PDLIM3: variants seen among roughly 807,000 people sequenced by gnomAD.
PDLIM3 encodes the protein PDZ and LIM domain 3, also known as PDZ and LIM domain protein 3.
PDLIM3 carries 36 observed loss-of-function variants against 37.3 expected under a neutral mutation model. The observed-to-expected ratio is 0.97, with a 90% CI of 0.74 to 1.28. The LOEUF (loss-of-function observed/expected upper bound fraction) is 1.28, where lower values mean the gene tolerates loss of function less well. PDLIM3 is among the 50% of genes most tolerant of loss of function. The pLI is 0.00. For missense variants in PDLIM3, 454 were observed against 485.0 expected, an observed-to-expected ratio of 0.94 and a Z score of 0.60; for synonymous variants, 174 against 182.4, an observed-to-expected ratio of 0.95 and a Z score of 0.37.
At position 185,502,501 on chromosome 4, in the gene PDLIM3, G is replaced by A. The variant is rs12644280; in HGVS notation, c.906-18C>T. The A allele has an allele frequency of 0.16, 258,384 of 1,611,550 alleles. 22,274 individuals are homozygous for A. Among genetic ancestry groups the A allele is most frequent in the East Asian group, 0.27 (12,107 of 44,840 alleles). On this transcript the variant is annotated intron_variant, in intron 7 of 7. Coordinates refer to ENST00000284767, the MANE Select transcript of PDLIM3 (RefSeq NM_014476.6). ...CAGCACCGCTGTTGGGGAAGAAAACGAGCTCAAGTTAAAAAACCACAGAGC... is the reference window on the plus strand; with the variant it reads ...CAGCACCGCTGTTGGGGAAGAAAACAAGCTCAAGTTAAAAAACCACAGAGC...
At position 185,512,870 on chromosome 4, in the gene PDLIM3, AC is replaced by A. The variant is rs912725980; in HGVS notation, c.398+1399del. 9 of 985,284 alleles carry A rather than the reference AC, an allele frequency of 9.1e-6. No individual in the cohort carries two copies. In the African/African-American group the frequency reaches 1.2e-4, roughly 13 times the overall value. 61.0% of individuals were successfully genotyped at this position (985,284 alleles called of 1,614,324 possible). On this transcript the variant is annotated intron_variant, in intron 4 of 7. Transcript: ENST00000284767. ...TGGGGAAGCTGTTGAAAGTGGAGAAACGGAAAAGATGCAGATGAGAACAGAG... is the reference window on the plus strand; with the variant it reads ...TGGGGAAGCTGTTGAAAGTGGAGAAAGGAAAAGATGCAGATGAGAACAGAG...
chr4:185,532,559 G>T (rs905081483), intron 1 of PDLIM3, among the ~76,000 whole-genome samples: 1 of 152,142 alleles, frequency 6.6e-6, no homozygotes, highest in Non-Finnish European at 1.5e-5. Flanking sequence ...CAGGGAAATC[G>T]TAAGTAGTCC....
In PDLIM3 at chr4:185,501,681, A is replaced by C. The variant is rs1486036682; in HGVS notation, c.*613T>G. 6.5e-6 allele frequency: 1 copy of C among 154,920 alleles called. No homozygotes were observed. Among genetic ancestry groups the C allele is most frequent in the Non-Finnish European group, 1.4e-5 (1 of 69,784 alleles). The allele number at this position is 154,920 out of a possible 1,614,324, so 9.6% of individuals were successfully genotyped here. A position where few individuals can be genotyped will look rare whatever the true frequency, so the allele number is the denominator to read the frequency against. On this transcript the variant is annotated 3_prime_UTR_variant, in exon 8 of 8. Transcript: ENST00000284767. ...AAAATATTTGTTAGTGTACATGTTA[A>C]AATATGATTGGGTTCTCTCATTGAA...
intron 3 of PDLIM3, among the ~76,000 whole-genome samples, chr4:185,519,627 T>C (rs1279760239): frequency 6.6e-6 from 1 of 152,174 alleles, no homozygotes; most frequent in Non-Finnish European, 1.5e-5. Flanking sequence ...ATATCAACTA[T>C]TCCTATAACC....
chr4:185,535,473 G>A lies in PDLIM3; in HGVS notation c.-39C>T, dbSNP rs1014020492. ...CGCCCACCGGGCTCTAAGTGTCCCC[G>A]CGCAGGGCAGCCACTCCGCGCCGGG... On this transcript the variant is annotated 5_prime_UTR_variant, in exon 1 of 8. Coordinates refer to ENST00000284767, the MANE Select transcript of PDLIM3 (RefSeq NM_014476.6). The A allele has an allele frequency of 1.9e-5, 29 of 1,516,118 alleles. No individual in the cohort carries two copies. The highest frequency in any genetic ancestry group is 2.5e-5 in the East Asian group (1 of 39,512). 93.9% of individuals were successfully genotyped at this position (1,516,118 alleles called of 1,614,324 possible).
intron 1 of PDLIM3, among the ~76,000 whole-genome samples, chr4:185,526,686 T>A (rs1004498024): frequency 7.2e-5 from 11 of 152,202 alleles, no homozygotes; most frequent in African/African-American, 2.7e-4. Context: ...TCTCATATCA[T>A]CTTACATTAT....
At position 185,514,805 on chromosome 4, in the gene PDLIM3, A is replaced by G. The variant is rs1325838737; in HGVS notation, c.331-468T>C. 6.4e-7 allele frequency: 1 copy of G among 1,551,788 alleles called. No individual in the cohort carries two copies. The highest frequency in any genetic ancestry group is 2.4e-5 in the East Asian group (1 of 40,926). ...AATTGGCGAGTTATAGGAAGCGCTC[A>G]CTACCTGTCTTTTGTCATCAATGTT... On this transcript the variant is annotated intron_variant, in intron 3 of 7. Coordinates refer to ENST00000284767, the MANE Select transcript of PDLIM3 (RefSeq NM_014476.6). This position sits in a 1 kb window ranked among gnomAD's most constrained non-coding sequence, Gnocchi z 4.0.
At chr4:185,516,487 G>C (rs1356575257) in intron 3 of PDLIM3, 3 of 152,158 alleles carry the variant, frequency 2.0e-5, no homozygotes, top group Non-Finnish European at 4.4e-5. Context: ...AGAAGAAAAA[G>C]GAGGAGGAAA....
intron 3 of PDLIM3, chr4:185,516,646 T>C (rs2095715497): frequency 6.6e-6 from 1 of 152,252 alleles, no homozygotes; most frequent in African/African-American, 2.4e-5. Context: ...TCTTCTACTA[T>C]CTAGGCCTAT....
chr4:185,523,512 G>T, intron 2 of PDLIM3, 66 bp from the exon 3 acceptor site: 1 of 1,007,248 alleles, frequency 9.9e-7, no homozygotes, highest in Non-Finnish European at 1.5e-6. Context: ...GCATACTTTA[G>T]TTTCCCATTA....
At chr4:185,530,967 A>AACAC (rs755319452) in intron 1 of PDLIM3, among the ~76,000 whole-genome samples, 185 of 51,488 alleles carry the variant, frequency 3.6e-3, no homozygotes, top group South Asian at 0.014. Flanking sequence ...CATGCATAGA[A>AACAC]ACACACACAC....
intron 3 of PDLIM3, among the ~76,000 whole-genome samples, chr4:185,518,326 C>T (rs2153336888): frequency 6.6e-6 from 1 of 152,210 alleles, no homozygotes; most frequent in Non-Finnish European, 1.5e-5. Context: ...AAGGCTTCAC[C>T]TTTCAACTTC....
rs759785542 is a variant in PDLIM3 at position 185,535,481 on chromosome 4, C to A, written c.-47G>T. 45 of 1,491,142 alleles carry A rather than the reference C, an allele frequency of 3.0e-5. No individual in the cohort carries two copies. The Admixed American group carries it at 3.4e-4, about 11-fold the overall frequency. The allele number at this position is 1,491,142 out of a possible 1,614,324, so 92.4% of individuals were successfully genotyped here. ...GGGCTCTAAGTGTCCCCGCGCAGGGCAGCCACTCCGCGCCGGGCGGCGTCC... is the reference window on the plus strand; with the variant it reads ...GGGCTCTAAGTGTCCCCGCGCAGGGAAGCCACTCCGCGCCGGGCGGCGTCC... On this transcript the variant is annotated 5_prime_UTR_variant, in exon 1 of 8. Transcript: ENST00000284767.
intron 1 of PDLIM3, 44 bp from the exon 2 acceptor site, chr4:185,525,215 T>G: frequency 3.7e-6 from 6 of 1,602,032 alleles, no homozygotes; most frequent in Non-Finnish European, 4.3e-6. Context: ...CATCCCGCAG[T>G]ATCTTGAGTT....
intron 4 of PDLIM3, among the ~76,000 whole-genome samples, 193 bp from the exon 5 acceptor site, chr4:185,508,755 C>T (rs2095702066): frequency 6.6e-6 from 1 of 152,146 alleles, no homozygotes; most frequent in East Asian, 1.9e-4. Flanking sequence ...GTGAAAAATT[C>T]ATGATTGAAA....
Position 185,512,842 on chromosome 4 carries a change from G to C in PDLIM3, c.398+1428C>G, listed in dbSNP as rs542377002. On this transcript the variant is annotated intron_variant, in intron 4 of 7. Coordinates refer to ENST00000284767, the MANE Select transcript of PDLIM3 (RefSeq NM_014476.6). Reference sequence around the variant, plus strand: ...GTGTTTTGTTATTGGGGTTGGGTTGGGGTGGGGAAGCTGTTGAAAGTGGAG... The same window carrying C: ...GTGTTTTGTTATTGGGGTTGGGTTGCGGTGGGGAAGCTGTTGAAAGTGGAG... 5 of 984,920 alleles carry C rather than the reference G, an allele frequency of 5.1e-6. No homozygotes were observed. The East Asian group carries it at 4.5e-4, about 89-fold the overall frequency. 61.0% of individuals were successfully genotyped at this position (984,920 alleles called of 1,614,324 possible). A position where few individuals can be genotyped will look rare whatever the true frequency, so the allele number is the denominator to read the frequency against.
At position 185,508,580 on chromosome 4, in the gene PDLIM3, C is replaced by T. The variant is rs372273108; in HGVS notation, c.399-18G>A. On this transcript the variant is annotated intron_variant, in intron 4 of 7. Transcript: ENST00000284767. ...TGCATCCACTGTGTTAATGGATACA[C>T]GTTACACAGAGATGGCACCGGGAGC... is the stretch of plus-strand genomic sequence containing the variant. 84 of 1,612,336 alleles carry T rather than the reference C, an allele frequency of 5.2e-5. No homozygotes were observed. Among genetic ancestry groups the T allele is most frequent in the African/African-American group, 1.5e-4 (11 of 74,878 alleles).
At chr4:185,526,683 T>A (rs1409087447) in intron 1 of PDLIM3, among the ~76,000 whole-genome samples, 1 of 152,220 alleles carries the variant, frequency 6.6e-6, no homozygotes, top group Admixed American at 6.5e-5. Flanking sequence ...TTCTCTCATA[T>A]CATCTTACAT....
intron 3 of PDLIM3, among the ~76,000 whole-genome samples, chr4:185,518,475 C>T (rs2095718038): frequency 6.6e-6 from 1 of 151,552 alleles, no homozygotes; most frequent in Admixed American, 6.6e-5. Context: ...AATATGTATA[C>T]ATATGTGTAT....
Sources: allele counts gnomAD v4.1 joint callset (sites outside exome capture counted in the v4.1 genomes callset), GRCh38; gene constraint gnomAD v4.1.1; non-coding constraint Gnocchi (gnomAD v3.1); transcripts MANE v1.5; gene names NCBI Gene and HGNC (gene_info 2026-07-23, HGNC 2026-07-21).